ZNF277: variants seen among roughly 807,000 people sequenced by gnomAD.
ZNF277 encodes the protein nuclear receptor-interacting factor 4.
ZNF277 carries 55 observed loss-of-function variants against 60.7 expected under a neutral mutation model. The observed-to-expected ratio is 0.91, with a 90% CI of 0.73 to 1.13. The LOEUF (loss-of-function observed/expected upper bound fraction) is 1.13. Ranked by LOEUF, ZNF277 falls within the 50% of genes most tolerant of loss-of-function variation. The pLI is 0.00. For missense variants in ZNF277, 510 were observed against 523.0 expected, an observed-to-expected ratio of 0.98 and a Z score of 0.24; for synonymous variants, 178 against 179.3, an observed-to-expected ratio of 0.99 and a Z score of 0.06.
intron 2 of ZNF277, among the ~76,000 whole-genome samples, chr7:112,293,578 T>C (rs1028301603): frequency 1.6e-4 from 19 of 120,978 alleles, no homozygotes; most frequent in Non-Finnish European, 2.4e-4. Flanking sequence ...AGATCTTATC[T>C]CAAAAAAAAA....
At chr7:112,224,435 T>A (rs1453776161) in intron 1 of ZNF277, among the ~76,000 whole-genome samples, 1 of 152,232 alleles carries the variant, frequency 6.6e-6, no homozygotes, top group Non-Finnish European at 1.5e-5. Flanking sequence ...CACCTCAGTA[T>A]AGAACTGGGC....
At chr7:112,216,753 C>T (rs956254985) in intron 1 of ZNF277, among the ~76,000 whole-genome samples, 2 of 151,978 alleles carry the variant, frequency 1.3e-5, no homozygotes, top group African/African-American at 2.4e-5. Context: ...GCTTGGGAGC[C>T]GACATAATTC....
In ZNF277 at chr7:112,309,334, C is replaced by T. The variant is rs766600517; in HGVS notation, c.466-8848C>T. 3.9e-5 allele frequency among the ~76,000 whole-genome samples: 6 copies of T among 151,968 alleles called. 1 individual carries two copies. Among genetic ancestry groups the T allele is most frequent in the Non-Finnish European group, 8.8e-5 (6 of 67,944 alleles). ...CAAGATTATAACCAACGAATACTTA[C>T]AAAAACTGTGTTCAGGGAAGATTGT... On this transcript the variant is annotated intron_variant, in intron 4 of 11. Coordinates refer to ENST00000361822, the MANE Select transcript of ZNF277 (RefSeq NM_021994.3).
intron 1 of ZNF277, among the ~76,000 whole-genome samples, chr7:112,254,174 G>A (rs1791255007): frequency 6.6e-6 from 1 of 152,198 alleles, no homozygotes; most frequent in African/African-American, 2.4e-5. Context: ...TTTTCAGAAA[G>A]CAATAAACCA....
At chr7:112,232,910 T>G (rs1225628149) in intron 1 of ZNF277, among the ~76,000 whole-genome samples, 3 of 152,138 alleles carry the variant, frequency 2.0e-5, no homozygotes, top group Non-Finnish European at 4.4e-5. Flanking sequence ...CTGACCTATC[T>G]AACCCTAATT....
At chr7:112,262,941 C>T (rs1203915498) in intron 1 of ZNF277, among the ~76,000 whole-genome samples, 3 of 151,976 alleles carry the variant, frequency 2.0e-5, no homozygotes, top group Non-Finnish European at 4.4e-5. Flanking sequence ...AGGGAAAAAC[C>T]AGGGTTTCTC....
intron 1 of ZNF277, among the ~76,000 whole-genome samples, chr7:112,211,973 T>C (rs1821760024): frequency 6.6e-6 from 1 of 152,238 alleles, no homozygotes; most frequent in Non-Finnish European, 1.5e-5. Context: ...TTAGAGTGGC[T>C]ACTATTTTGA....
At chr7:112,220,255 A>G (rs932335189) in intron 1 of ZNF277, among the ~76,000 whole-genome samples, 1 of 151,178 alleles carries the variant, frequency 6.6e-6, no homozygotes, top group African/African-American at 2.4e-5. Flanking sequence ...CCCTGTACAG[A>G]TCTTACAACT....
intron 1 of ZNF277, among the ~76,000 whole-genome samples, chr7:112,245,643 C>T (rs1791066336): frequency 2.6e-5 from 4 of 152,102 alleles, no homozygotes; most frequent in Non-Finnish European, 5.9e-5. Context: ...GGTGACTTTC[C>T]GGCAACCTTT....
At chr7:112,296,184 T>C (rs760235284) in intron 3 of ZNF277, 45 bp from the exon 4 acceptor site, 12 of 1,321,600 alleles carry the variant, frequency 9.1e-6, no homozygotes, top group Non-Finnish European at 1.3e-5. Flanking sequence ...GGGGAAAAAA[T>C]GGTTAATATC....
intron 1 of ZNF277, among the ~76,000 whole-genome samples, chr7:112,278,875 A>G (rs748775284): frequency 3.3e-5 from 5 of 152,184 alleles, no homozygotes; most frequent in Admixed American, 2.6e-4. Context: ...CTGAAATTCC[A>G]TACTCATTAA....
At chr7:112,303,619 T>A (rs118171311) in intron 4 of ZNF277, among the ~76,000 whole-genome samples, 2,733 of 152,218 alleles carry the variant, frequency 0.018, 108 homozygotes, top group Admixed American at 0.076. Context: ...AGTCCTTCTC[T>A]TCCTACCTAA....
At chr7:112,304,578 A>C (rs1339231369) in intron 4 of ZNF277, among the ~76,000 whole-genome samples, 1 of 152,156 alleles carries the variant, frequency 6.6e-6, no homozygotes. Flanking sequence ...TTTAATCCTT[A>C]AGTTAGTGGA....
At chr7:112,289,587 T>G (rs1792157809) in intron 2 of ZNF277, among the ~76,000 whole-genome samples, 1 of 152,358 alleles carries the variant, frequency 6.6e-6, no homozygotes, top group East Asian at 1.9e-4. Context: ...GGAGCTTTCT[T>G]ATATGCAACC....
rs529070708 is a variant in ZNF277, at chr7:112,314,494, T to C, written c.466-3688T>C. The stretch of plus-strand genomic sequence containing the variant: ...AGGAAGAAATGTGAGAGAAGACTTT[T>C]AAAAACCTAGGTTAGAGGCCAGGCG... On this transcript the variant is annotated intron_variant, in intron 4 of 11. Transcript: ENST00000361822. Among the ~76,000 whole-genome samples the C allele has an allele frequency of 4.8e-4, 73 of 152,154 alleles. 1 individual carries two copies. In the South Asian group the frequency reaches 0.015, roughly 32 times the overall value.
intron 1 of ZNF277, among the ~76,000 whole-genome samples, chr7:112,280,468 T>C (rs1388673474): frequency 1.3e-5 from 2 of 152,230 alleles, no homozygotes; most frequent in African/African-American, 4.8e-5. Context: ...AATTTGTTGT[T>C]AATGTGTAAC....
chr7:112,321,234 T>A (rs1246962716), intron 5 of ZNF277, among the ~76,000 whole-genome samples: 1 of 151,956 alleles, frequency 6.6e-6, no homozygotes, highest in Non-Finnish European at 1.5e-5. Context: ...TTGTTTCTTA[T>A]ACCATAGATT....
At chr7:112,295,990 TA>T (rs1463289189) in intron 3 of ZNF277, 33 bp downstream of exon 3, 1 of 1,478,222 alleles carries the variant, frequency 6.8e-7, no homozygotes, top group Non-Finnish European at 9.4e-7. Context: ...ATCTTTTCCC[TA>T]CAGTATAAAA....
At chr7:112,330,919 G>T (rs77921857) in intron 7 of ZNF277, among the ~76,000 whole-genome samples, 5,912 of 152,172 alleles carry the variant, frequency 0.039, 384 homozygotes, top group African/African-American at 0.13. Flanking sequence ...AAAAGAAACT[G>T]TTGAGTACTG....
Sources: gnomAD v4.1 joint callset for allele counts (sites outside exome capture counted in the v4.1 genomes callset) on GRCh38, gnomAD v4.1.1 for gene constraint, MANE v1.5 for transcripts, NCBI Gene and HGNC (gene_info 2026-07-23, HGNC 2026-07-21) for gene names.